Variants in PEMT observed in about 807,000 individuals in gnomAD.
PEMT encodes phosphatidylethanolamine N-methyltransferase.
In PEMT, 23 loss-of-function variants were observed where a neutral mutation model predicts 27.4. That is an observed-to-expected ratio of 0.84 (90% CI 0.60 to 1.19). The LOEUF is 1.19. PEMT is among the 50% of genes most tolerant of loss of function. The probability of loss-of-function intolerance (pLI) is 0.00; values close to 1 mark genes in which losing one functional copy is unlikely to be tolerated. For missense variants in PEMT, 307 were observed against 310.1 expected, an observed-to-expected ratio of 0.99 and a Z score of 0.07; for synonymous variants, 137 against 139.1, an observed-to-expected ratio of 0.98 and a Z score of 0.11.
intron 2 of PEMT, among the ~76,000 whole-genome samples, chr17:17,530,681 T>C (rs1908027840): frequency 6.6e-6 from 1 of 152,182 alleles, no homozygotes; most frequent in Non-Finnish European, 1.5e-5. Flanking sequence ...GTAAATCTAT[T>C]GTTGGTGATA....
intron 2 of PEMT, among the ~76,000 whole-genome samples, chr17:17,527,864 G>A (rs1184646024): frequency 1.3e-5 from 2 of 152,222 alleles, no homozygotes; most frequent in Non-Finnish European, 2.9e-5. Context: ...GCCAGCCCTT[G>A]ATGGACTCTC....
At chr17:17,548,244 G>A (rs1163968392) in intron 2 of PEMT, among the ~76,000 whole-genome samples, 2 of 152,274 alleles carry the variant, frequency 1.3e-5, no homozygotes, top group African/African-American at 4.8e-5. Context: ...CTGGCTCTAG[G>A]TGAGGCCAAA....
At position 17,522,388 on chromosome 17, in the gene PEMT, C is replaced by T. The variant is rs779901301; in HGVS notation, c.212G>A (p.Arg71Gln). 18 of 1,610,638 alleles carry T rather than the reference C, an allele frequency of 1.1e-5. No individual in the cohort carries two copies. Among genetic ancestry groups the T allele is most frequent in the Admixed American group, 3.3e-5 (2 of 59,878 alleles). ...FNPLYWNVVA[R>Q]WEHKTRKLSR... ...CAGCTTGCGGGTCTTGTGTTCCCATCGTGCAACCTAAACCGTGAGCAGAGA... is the reference window on the plus strand; with the variant it reads ...CAGCTTGCGGGTCTTGTGTTCCCATTGTGCAACCTAAACCGTGAGCAGAGA... Residue 71 changes from arginine to glutamine, a missense_variant, in exon 3 of 7, where the codon CGA becomes CAA. By Grantham distance (43) the Arg-to-Gln change is conservative. Coordinates refer to ENST00000255389, the MANE Select transcript of PEMT (RefSeq NM_148172.3).
At chr17:17,544,592 C>G (rs1909122309) in intron 2 of PEMT, among the ~76,000 whole-genome samples, 1 of 152,132 alleles carries the variant, frequency 6.6e-6, no homozygotes. Flanking sequence ...CCATGAAGTC[C>G]CCCCACTGCC....
In PEMT at chr17:17,523,500, C is replaced by CG. The variant is rs1160733658; in HGVS notation, c.205-1106dup. Among the ~76,000 whole-genome samples the CG allele has an allele frequency of 6.6e-6, 1 of 152,072 alleles. No individual in the cohort carries two copies. The highest frequency in any genetic ancestry group is 1.5e-5 in the Non-Finnish European group (1 of 68,002). On this transcript the variant is annotated intron_variant, in intron 2 of 6. Coordinates refer to ENST00000255389, the MANE Select transcript of PEMT (RefSeq NM_148172.3). This position sits in a 1 kb window ranked among gnomAD's most constrained non-coding sequence, Gnocchi z 4.8. ...TGGCAGGCTAGGGGGCAGCAGATGG[C>CG]GGGGGGCAGGGTATGCCAAAGTTTA...
chr17:17,552,912 C>T (rs1006334450), intron 2 of PEMT, among the ~76,000 whole-genome samples: 1 of 152,180 alleles, frequency 6.6e-6, no homozygotes, highest in Non-Finnish European at 1.5e-5. Flanking sequence ...TCCCTTGCCC[C>T]CTTTCCCCCA....
chr17:17,505,892 G>A, intron 6 of PEMT, 44 bp from the exon 7 acceptor site: 1 of 1,579,204 alleles, frequency 6.3e-7, no homozygotes, highest in Non-Finnish European at 8.6e-7. Flanking sequence ...GGTCCTGGGG[G>A]TGACCCACTG....
At chr17:17,586,372 A>G (rs1366882468) in intron 1 of PEMT, among the ~76,000 whole-genome samples, 2 of 151,948 alleles carry the variant, frequency 1.3e-5, no homozygotes. Context: ...ACCACAGCAC[A>G]TGGCAGCCTT....
intron 3 of PEMT, among the ~76,000 whole-genome samples, chr17:17,517,358 T>C (rs1156674831): frequency 1.3e-5 from 2 of 152,270 alleles, no homozygotes; most frequent in African/African-American, 4.8e-5. Context: ...TCTGGCCTGT[T>C]CTGCCAAGAC....
At chr17:17,585,865 G>T (rs1912215057) in intron 1 of PEMT, among the ~76,000 whole-genome samples, 2 of 152,012 alleles carry the variant, frequency 1.3e-5, no homozygotes, top group Non-Finnish European at 2.9e-5. Flanking sequence ...GGCGTATCAT[G>T]AAGTCAGGAG....
At chr17:17,511,071 C>T (rs1036420761) in intron 4 of PEMT, among the ~76,000 whole-genome samples, 5 of 152,160 alleles carry the variant, frequency 3.3e-5, no homozygotes, top group African/African-American at 9.7e-5. Flanking sequence ...GGGGATGGAG[C>T]CTCAGCCCCT....
intron 2 of PEMT, among the ~76,000 whole-genome samples, chr17:17,543,293 G>A (rs1035063272): frequency 2.0e-5 from 3 of 152,118 alleles, no homozygotes; most frequent in African/African-American, 4.8e-5. Flanking sequence ...CCTTTCCTTC[G>A]TCTGCCTTCC....
At chr17:17,551,507 T>C (rs949028052) in intron 2 of PEMT, among the ~76,000 whole-genome samples, 1 of 152,158 alleles carries the variant, frequency 6.6e-6, no homozygotes, top group African/African-American at 2.4e-5. Flanking sequence ...CAGTCCCTGA[T>C]GAGAAGACAA....
At chr17:17,551,149 G>A (rs904544973) in intron 2 of PEMT, among the ~76,000 whole-genome samples, 4 of 152,262 alleles carry the variant, frequency 2.6e-5, no homozygotes, top group East Asian at 1.9e-4. Context: ...TTATGGGACC[G>A]TAATCCTCGA....
At chr17:17,570,998 G>T in intron 2 of PEMT, 1 of 753,058 alleles carries the variant, frequency 1.3e-6, no homozygotes, top group Non-Finnish European at 1.6e-6. Flanking sequence ...CCCACGTAGG[G>T]CCACAGTGCC....
At chr17:17,509,168 G>A (rs899612014) in intron 5 of PEMT, among the ~76,000 whole-genome samples, 1 of 152,258 alleles carries the variant, frequency 6.6e-6, no homozygotes, top group Non-Finnish European at 1.5e-5. Context: ...GACCAGGGCT[G>A]AGCAGCTGTG....
chr17:17,511,824 G>A (rs1468032795), intron 4 of PEMT, among the ~76,000 whole-genome samples: 76 of 9,074 alleles, frequency 8.4e-3, no homozygotes, highest in Middle Eastern at 0.045. Context: ...CTCCCACCCC[G>A]ACCCCTACTG....
intron 5 of PEMT, chr17:17,508,041 G>A (rs535169976): frequency 1.3e-5 from 2 of 152,854 alleles, no homozygotes; most frequent in East Asian, 3.8e-4. Context: ...TCGTGCAGGA[G>A]GGAACACTTG....
intron 3 of PEMT, among the ~76,000 whole-genome samples, chr17:17,518,539 G>A (rs975846816): frequency 6.6e-6 from 1 of 152,190 alleles, no homozygotes; most frequent in Admixed American, 6.5e-5. Context: ...CCTGCCCCGG[G>A]CCTCCCCTGA....
Sources: gnomAD v4.1 joint callset for allele counts (sites outside exome capture counted in the v4.1 genomes callset) on GRCh38, gnomAD v4.1.1 for gene constraint, Gnocchi (gnomAD v3.1) non-coding constraint, MANE v1.5 for transcripts, NCBI Gene and HGNC (gene_info 2026-07-23, HGNC 2026-07-21) for gene names.